The following STK32C variants were observed in gnomAD, a reference collection of about 807,000 sequenced individuals.
STK32C encodes the protein serine/threonine-protein kinase 32C.
STK32C carries 31 observed loss-of-function variants against 56.5 expected under a neutral mutation model. The observed-to-expected ratio is 0.55, with a 90% CI of 0.41 to 0.74. The LOEUF is 0.74. Among genes scored for constraint, STK32C ranks in the 30% least tolerant of loss-of-function variants. The probability of loss-of-function intolerance (pLI) is 0.00; values close to 1 mark genes in which losing one functional copy is unlikely to be tolerated. For synonymous variants in STK32C, 309 were observed against 289.4 expected, an observed-to-expected ratio of 1.07 and a Z score of -0.69; for missense variants, 544 against 676.9, an observed-to-expected ratio of 0.80 and a Z score of 2.18.
At chr10:132,220,523 T>C (rs558275758) in intron 10 of STK32C, among the ~76,000 whole-genome samples, 33 of 152,340 alleles carry the variant, frequency 2.2e-4, no homozygotes, top group Admixed American at 5.9e-4. Flanking sequence ...CGTCCTCACA[T>C]AGCAGAGGAT....
chr10:132,258,093 T>G (rs11146270), intron 1 of STK32C, among the ~76,000 whole-genome samples: 85,958 of 152,104 alleles, frequency 0.57, 24,837 homozygotes, highest in Middle Eastern at 0.61. Flanking sequence ...GCCGGCTGAG[T>G]GGCCCCCCAG....
At chr10:132,249,063 C>T (rs760602023) in intron 1 of STK32C, 26 of 478,410 alleles carry the variant, frequency 5.4e-5, no homozygotes, top group Non-Finnish European at 9.6e-5. Flanking sequence ...ACGGAGGCGG[C>T]GGCTCCGGCA....
chr10:132,298,028 G>A (rs1410214598), intron 1 of STK32C, among the ~76,000 whole-genome samples: 1 of 152,240 alleles, frequency 6.6e-6, no homozygotes, highest in African/African-American at 2.4e-5. Context: ...GCTAAACTGG[G>A]GTTAGAGGTG....
chr10:132,326,831 G>C (rs1343296019), intron 1 of STK32C, among the ~76,000 whole-genome samples: 3 of 152,122 alleles, frequency 2.0e-5, no homozygotes, highest in African/African-American at 7.2e-5. Context: ...GGTTTCTTTG[G>C]AATCCCCTTG....
At chr10:132,288,629 A>G (rs1460287380) in intron 1 of STK32C, among the ~76,000 whole-genome samples, 2 of 152,252 alleles carry the variant, frequency 1.3e-5, no homozygotes, top group Non-Finnish European at 2.9e-5. Flanking sequence ...AGACTTCAAT[A>G]AAACTGATAT....
intron 1 of STK32C, among the ~76,000 whole-genome samples, chr10:132,287,510 G>A (rs1302186850): frequency 6.6e-6 from 1 of 151,040 alleles, no homozygotes; most frequent in Admixed American, 6.6e-5. Context: ...AGAGTGCAGT[G>A]GCGTGATCTC....
At chr10:132,214,152 C>T (rs2137591195) in intron 10 of STK32C, among the ~76,000 whole-genome samples, 1 of 150,852 alleles carries the variant, frequency 6.6e-6, no homozygotes, top group South Asian at 2.1e-4. Context: ...ACCACAGGAT[C>T]TAAGAAGCTC....
At chr10:132,301,212 G>A (rs2065901764) in intron 1 of STK32C, among the ~76,000 whole-genome samples, 1 of 150,780 alleles carries the variant, frequency 6.6e-6, no homozygotes, top group African/African-American at 2.5e-5. Flanking sequence ...AGAAGGCCTG[G>A]TCCCCCACTA....
At chr10:132,331,578 A>C (rs991170910) in exon 1 of STK32C, 15 of 1,612,796 alleles carry the variant, frequency 9.3e-6, no homozygotes, top group East Asian at 8.9e-5. Flanking sequence ...TGGCTCCAGG[A>C]AGCCCCAGGA....
intron 4 of STK32C, 94 bp downstream of exon 4, chr10:132,226,701 G>A (rs1240049355): frequency 1.4e-6 from 2 of 1,469,724 alleles, no homozygotes; most frequent in Non-Finnish European, 1.9e-6. Flanking sequence ...GACCCGCTCT[G>A]AGGGAGTACG....
chr10:132,280,611 G>C (rs540029489), intron 1 of STK32C, among the ~76,000 whole-genome samples: 21 of 146,044 alleles, frequency 1.4e-4, no homozygotes, highest in Admixed American at 1.4e-3. Flanking sequence ...TCCACTCTGT[G>C]ACCACGCCCC....
intron 1 of STK32C, among the ~76,000 whole-genome samples, chr10:132,329,870 A>T (rs2066603564): frequency 6.6e-6 from 1 of 152,264 alleles, no homozygotes; most frequent in South Asian, 2.1e-4. Flanking sequence ...TATACTCAGA[A>T]ATACCACAGC....
chr10:132,307,965 G>GC, upstream of STK32C: 5 of 1,000,516 alleles, frequency 5.0e-6, no homozygotes, highest in Non-Finnish European at 5.9e-6. This position sits in a 1 kb window ranked among gnomAD's most constrained non-coding sequence, Gnocchi z 4.4. Context: ...GGTGGAACCC[G>GC]CCCCGTAGAT....
chr10:132,254,937 G>T (rs987087551), intron 1 of STK32C, among the ~76,000 whole-genome samples: 1 of 152,100 alleles, frequency 6.6e-6, no homozygotes, highest in Non-Finnish European at 1.5e-5. Context: ...GCCCACAGCT[G>T]CAGGCGTGTC....
chr10:132,228,144 C>T lies in STK32C; in HGVS notation c.319-16G>A, dbSNP rs2062959957. ...CAATGCACACCTGGAGGGCACAGGGCTGTTCGGCAGGACGCCTGAGGACGC... is the reference window on the plus strand; with the variant it reads ...CAATGCACACCTGGAGGGCACAGGGTTGTTCGGCAGGACGCCTGAGGACGC... On this transcript the variant is annotated splice_polypyrimidine_tract_variant and intron_variant, in intron 2 of 11. Coordinates refer to ENST00000298630, the MANE Select transcript of STK32C (RefSeq NM_173575.4). 1.1e-5 allele frequency: 17 copies of T among 1,613,922 alleles called. No individual in the cohort carries two copies. The highest frequency in any genetic ancestry group is 1.4e-5 in the Non-Finnish European group (17 of 1,180,026).
At chr10:132,279,229 G>C (rs992425708) in intron 1 of STK32C, among the ~76,000 whole-genome samples, 1 of 152,156 alleles carries the variant, frequency 6.6e-6, no homozygotes, top group Non-Finnish European at 1.5e-5. Context: ...TGAAGTGTAA[G>C]AACAAAAAGC....
chr10:132,330,153 G>A (rs538149482), intron 1 of STK32C: 78 of 375,832 alleles, frequency 2.1e-4, no homozygotes, highest in African/African-American at 1.5e-3. Context: ...AATCTGGCTG[G>A]GCAAAAACTG....
chr10:132,238,745 C>T (rs1370055581), intron 2 of STK32C, among the ~76,000 whole-genome samples: 1 of 152,144 alleles, frequency 6.6e-6, no homozygotes, highest in Non-Finnish European at 1.5e-5. Context: ...GACATTAAAG[C>T]GTTGGAAATA....
chr10:132,238,003 G>GC (rs1438700554), intron 2 of STK32C, among the ~76,000 whole-genome samples: 2 of 152,190 alleles, frequency 1.3e-5, no homozygotes, highest in African/African-American at 4.8e-5. Context: ...ACAGCCTGGA[G>GC]CCCCCGAGAC....
Sources: allele counts gnomAD v4.1 joint callset (sites outside exome capture counted in the v4.1 genomes callset), GRCh38; gene constraint gnomAD v4.1.1; non-coding constraint Gnocchi (gnomAD v3.1); transcripts MANE v1.5; gene names NCBI Gene and HGNC (gene_info 2026-07-23, HGNC 2026-07-21).